The following SNTB1 variants were observed in gnomAD, a reference collection of about 807,000 sequenced individuals.
The protein encoded by SNTB1 is syntrophin beta 1, also known as beta-1-syntrophin.
A neutral mutation model predicts 48.9 loss-of-function variants in SNTB1; 36 were observed. The observed-to-expected ratio is 0.74, with a 90% CI of 0.56 to 0.97. The LOEUF is 0.97. SNTB1 is among the 50% of genes least tolerant of loss of function. The probability of loss-of-function intolerance (pLI) is 0.00; values close to 1 mark genes in which losing one functional copy is unlikely to be tolerated. For synonymous variants in SNTB1, 299 were observed against 294.6 expected (o/e 1.01, Z -0.15); for missense variants, 786 against 703.4 (o/e 1.12, Z -1.33).
At chr8:120,700,542 C>G (rs58720168) in intron 1 of SNTB1, among the ~76,000 whole-genome samples, 19,911 of 152,130 alleles carry the variant, frequency 0.13, 1,553 homozygotes, top group African/African-American at 0.23. Context: ...AAAAGCTGTG[C>G]TTTAGAAATT....
chr8:120,741,425 A>G (rs111535180), intron 1 of SNTB1, among the ~76,000 whole-genome samples: 4,550 of 152,300 alleles, frequency 0.03, 212 homozygotes, highest in African/African-American at 0.1. Context: ...CCTGGCCAAC[A>G]TGGCAAAATG....
chr8:120,789,758 C>T (rs1488364315), intron 1 of SNTB1, among the ~76,000 whole-genome samples: 2 of 151,750 alleles, frequency 1.3e-5, no homozygotes, highest in South Asian at 4.1e-4. Context: ...AAGCTGCCAA[C>T]AAAAAAAGCC....
intron 4 of SNTB1, among the ~76,000 whole-genome samples, chr8:120,554,285 C>T (rs1339530459): frequency 6.6e-6 from 1 of 152,160 alleles, no homozygotes. Context: ...GGTTGGTTCC[C>T]GCTTTGTGCC....
chr8:120,611,990 C>T (rs563607400), intron 3 of SNTB1, among the ~76,000 whole-genome samples: 6 of 152,196 alleles, frequency 3.9e-5, no homozygotes, highest in African/African-American at 1.4e-4. Flanking sequence ...TCTGGTGAGC[C>T]TTCCACAAGT....
At chr8:120,598,344 C>A (rs1366225924) in intron 3 of SNTB1, among the ~76,000 whole-genome samples, 1 of 152,238 alleles carries the variant, frequency 6.6e-6, no homozygotes, top group Non-Finnish European at 1.5e-5. Context: ...GAGCCCCTAT[C>A]TGTAACACCA....
intron 3 of SNTB1, among the ~76,000 whole-genome samples, chr8:120,615,082 C>T (rs542657139): frequency 3.8e-4 from 58 of 151,370 alleles, no homozygotes; most frequent in Non-Finnish European, 8.0e-4. Context: ...GCCCAGGAAG[C>T]GGAGGTTTCA....
chr8:120,797,499 A>T (rs1399577937), intron 1 of SNTB1, among the ~76,000 whole-genome samples: 1 of 142,786 alleles, frequency 7.0e-6, no homozygotes, highest in Non-Finnish European at 1.5e-5. Context: ...ACTAATGCAC[A>T]TTATTTTACA....
chr8:120,629,157 G>A lies in SNTB1; in HGVS notation c.996+3287C>T, dbSNP rs191666296. ...TTCCTTCTTTCTCCTCTCTTGGAGT[G>A]CAGGGAAATTTCTCCAGTCACTCAA... On this transcript the variant is annotated intron_variant, in intron 3 of 6. Transcript: ENST00000517992. Among the ~76,000 whole-genome samples the A allele has an allele frequency of 2.8e-3, 419 of 152,238 alleles. 4 individuals are homozygous for A. The highest frequency in any genetic ancestry group is 3.4e-3 in the Middle Eastern group (1 of 294).
chr8:120,603,320 G>A (rs1816455476), intron 3 of SNTB1, among the ~76,000 whole-genome samples: 1 of 152,082 alleles, frequency 6.6e-6, no homozygotes, highest in Admixed American at 6.5e-5. Context: ...GGCTGGTCTC[G>A]AACTCCTGGC....
chr8:120,789,153 C>G (rs1246688767), intron 1 of SNTB1, among the ~76,000 whole-genome samples: 1 of 151,746 alleles, frequency 6.6e-6, no homozygotes, highest in Non-Finnish European at 1.5e-5. Context: ...TTTGTTTTAA[C>G]AACGAAATAA....
At chr8:120,628,455 G>T (rs1326217061) in intron 3 of SNTB1, among the ~76,000 whole-genome samples, 1 of 152,140 alleles carries the variant, frequency 6.6e-6, no homozygotes, top group Admixed American at 6.6e-5. Flanking sequence ...GGCTTGCAAG[G>T]AGTTAAAAGA....
At chr8:120,669,581 T>A (rs1301541359) in intron 2 of SNTB1, among the ~76,000 whole-genome samples, 2 of 87,400 alleles carry the variant, frequency 2.3e-5, no homozygotes, top group Non-Finnish European at 3.9e-5. Context: ...GCCTCCCGAG[T>A]AGCTGGGACT....
chr8:120,802,694 T>C (rs2130182192), intron 1 of SNTB1, among the ~76,000 whole-genome samples: 2 of 152,310 alleles, frequency 1.3e-5, no homozygotes, highest in Middle Eastern at 3.4e-3. Flanking sequence ...TATTGTATTA[T>C]TGAACTCTAA....
chr8:120,759,457 G>C (rs560037752), intron 1 of SNTB1, among the ~76,000 whole-genome samples: 6 of 152,036 alleles, frequency 3.9e-5, no homozygotes, highest in Non-Finnish European at 8.8e-5. Flanking sequence ...CCTTAAATTA[G>C]CATACTTCTT....
At chr8:120,719,460 C>G (rs1300436651) in intron 1 of SNTB1, among the ~76,000 whole-genome samples, 1 of 152,082 alleles carries the variant, frequency 6.6e-6, no homozygotes, top group Non-Finnish European at 1.5e-5. Flanking sequence ...ATTGAATAAA[C>G]TCCATTTTCT....
chr8:120,648,866 C>T (rs1456158781), intron 2 of SNTB1, among the ~76,000 whole-genome samples: 1 of 152,076 alleles, frequency 6.6e-6, no homozygotes, highest in Non-Finnish European at 1.5e-5. Context: ...TTGTTCATTT[C>T]TTTTTATTCT....
At chr8:120,569,443 G>A (rs1319242743) in intron 4 of SNTB1, among the ~76,000 whole-genome samples, 3 of 152,220 alleles carry the variant, frequency 2.0e-5, no homozygotes, top group Admixed American at 1.3e-4. Context: ...CACTTTCAGT[G>A]CTCCACTCAA....
intron 1 of SNTB1, among the ~76,000 whole-genome samples, chr8:120,753,652 A>G (rs545864983): frequency 2.6e-5 from 4 of 152,302 alleles, no homozygotes; most frequent in East Asian, 3.9e-4. Flanking sequence ...AGAATAAGCA[A>G]GGCAGAGAGT....
chr8:120,646,299 G>T (rs1178354742), intron 2 of SNTB1, among the ~76,000 whole-genome samples: 3 of 118,282 alleles, frequency 2.5e-5, no homozygotes, highest in Non-Finnish European at 1.8e-5. Flanking sequence ...TTGGCTGTGG[G>T]TTTGTCATAG....
Sources: gnomAD v4.1 joint callset for allele counts (sites outside exome capture counted in the v4.1 genomes callset) on GRCh38, gnomAD v4.1.1 for gene constraint, MANE v1.5 for transcripts, NCBI Gene and HGNC (gene_info 2026-07-23, HGNC 2026-07-21) for gene names.